SRPK2: variants seen among roughly 807,000 people sequenced by gnomAD.
The protein encoded by SRPK2 is SFRS protein kinase 2.
A neutral mutation model predicts 90.8 loss-of-function variants in SRPK2; 21 were observed. The ratio of observed to expected loss-of-function variants is 0.23; its 90% CI spans 0.16 to 0.33. The LOEUF (loss-of-function observed/expected upper bound fraction) is 0.33, where lower values mean the gene tolerates loss of function less well. Ranked by LOEUF, SRPK2 falls within the 10% of genes least tolerant of loss-of-function variation. The pLI, the probability that SRPK2 is intolerant of heterozygous loss-of-function variation, is 1.00. For synonymous variants in SRPK2, 288 were observed against 311.1 expected (o/e 0.93, Z 0.78); for missense variants, 620 against 869.0 (o/e 0.71, Z 3.60).
intron 3 of SRPK2, among the ~76,000 whole-genome samples, chr7:105,199,663 C>T (rs1208750660): frequency 6.6e-6 from 1 of 152,038 alleles, no homozygotes; most frequent in Non-Finnish European, 1.5e-5. Flanking sequence ...AGAAAGAAAC[C>T]ACAAAGATGG....
intron 2 of SRPK2, among the ~76,000 whole-genome samples, chr7:105,235,218 T>G (rs1432827661): frequency 1.3e-5 from 2 of 152,248 alleles, no homozygotes; most frequent in Non-Finnish European, 1.5e-5. Flanking sequence ...CTTGTAGGAA[T>G]AGAGATAAAA....
At chr7:105,160,424 T>C (rs1393429057) in intron 7 of SRPK2, 83 bp downstream of exon 7, 7 of 744,594 alleles carry the variant, frequency 9.4e-6, no homozygotes, top group African/African-American at 1.7e-5. Flanking sequence ...ATGTAATACA[T>C]ATACATATTT....
rs1790506584 is a variant in SRPK2 at position 105,169,318 on chromosome 7, T to C, written c.230-53A>G. 3 of 1,343,184 alleles carry C rather than the reference T, an allele frequency of 2.2e-6. No individual in the cohort carries two copies. The South Asian group carries it at 3.6e-5, about 16-fold the overall frequency. The allele number at this position is 1,343,184 out of a possible 1,614,324, so 83.2% of individuals were successfully genotyped here. ...ATTCAAAATATTCGAAAAGTAGTAA[T>C]AAACATTTCATCTCTTTTGTCATTC... On this transcript the variant is annotated intron_variant, in intron 3 of 15. Transcript: ENST00000393651.
chr7:105,244,582 T>TA lies in SRPK2; in HGVS notation c.72-40798dup, dbSNP rs779267564. 398 of 621,164 alleles carry TA rather than the reference T, an allele frequency of 6.4e-4. 1 individual carries two copies. The highest frequency in any genetic ancestry group is 1.6e-3 in the South Asian group (94 of 60,094). The allele number at this position is 621,164 out of a possible 1,614,324, so 38.5% of individuals were successfully genotyped here. ...GAACGAGACTCCGTCTCAACAACAA[T>TA]AAAAAAATCCCAGAGTTCCACGCGG... On this transcript the variant is annotated intron_variant, in intron 2 of 15. Coordinates refer to ENST00000393651, the MANE Select transcript of SRPK2 (RefSeq NM_182692.3).
chr7:105,217,944 A>G (rs980319354), intron 2 of SRPK2, among the ~76,000 whole-genome samples: 2 of 152,230 alleles, frequency 1.3e-5, no homozygotes, highest in Non-Finnish European at 2.9e-5. Flanking sequence ...ACATGTGGAA[A>G]GGTATACATG....
At chr7:105,263,223 T>C (rs1644178928) in intron 2 of SRPK2, among the ~76,000 whole-genome samples, 1 of 151,868 alleles carries the variant, frequency 6.6e-6, no homozygotes, top group Admixed American at 6.6e-5. Flanking sequence ...CTCTGGAGGC[T>C]GAGGCAGGAA....
intron 1 of SRPK2, among the ~76,000 whole-genome samples, chr7:105,395,347 T>A (rs537047877): frequency 3.3e-4 from 48 of 145,448 alleles, no homozygotes; most frequent in South Asian, 6.6e-4. Context: ...AAAATAAATT[T>A]AAAAAAAAAA....
chr7:105,348,083 T>G (rs1233036135), intron 2 of SRPK2, among the ~76,000 whole-genome samples: 1 of 143,708 alleles, frequency 7.0e-6, no homozygotes, highest in African/African-American at 2.6e-5. Context: ...TTTTTTTTTT[T>G]TTTTTTTTTT....
intron 2 of SRPK2, among the ~76,000 whole-genome samples, chr7:105,238,722 T>C (rs1800433873): frequency 6.7e-6 from 1 of 149,024 alleles, no homozygotes; most frequent in Admixed American, 6.8e-5. Context: ...TATTTCATTT[T>C]TATTAAAATT....
chr7:105,200,229 G>A (rs899966673), intron 3 of SRPK2, among the ~76,000 whole-genome samples: 1 of 152,244 alleles, frequency 6.6e-6, no homozygotes, highest in Non-Finnish European at 1.5e-5. Flanking sequence ...GAACCCAGGA[G>A]GTGGAGGTTG....
chr7:105,114,936 G>T (rs931599539), downstream of SRPK2, among the ~76,000 whole-genome samples: 1 of 152,184 alleles, frequency 6.6e-6, no homozygotes, highest in South Asian at 2.1e-4. Context: ...TGTCTGAGAA[G>T]AAATGGTTTT....
rs1007760391 is a variant in SRPK2, at chr7:105,169,534, C to A, written c.230-269G>T. Among the ~76,000 whole-genome samples the A allele has an allele frequency of 2.6e-5, 4 of 152,234 alleles. No individual in the cohort carries two copies. The East Asian group carries it at 5.8e-4, about 22-fold the overall frequency. ...TTCAGATCAGGAGTACGAGACCAGCCTGGCCAACATGGTGAAATCCAGTCT... is the reference window on the plus strand; with the variant it reads ...TTCAGATCAGGAGTACGAGACCAGCATGGCCAACATGGTGAAATCCAGTCT... On this transcript the variant is annotated intron_variant, in intron 3 of 15. Coordinates refer to ENST00000393651, the MANE Select transcript of SRPK2 (RefSeq NM_182692.3).
intron 13 of SRPK2, among the ~76,000 whole-genome samples, chr7:105,127,412 G>A (rs944406771): frequency 5.3e-5 from 8 of 152,318 alleles, no homozygotes; most frequent in African/African-American, 1.2e-4. Flanking sequence ...AACAAGGCCC[G>A]TCTGACTCCA....
rs1225015605 is a variant in SRPK2, at chr7:105,168,109, CAA to C, written c.339-16_339-15del. ...AATCTTTTCCCCCTAAAAGAAAAAA[CAA>C]AAAAAGAGTCTATTTATCTATATTA... is the stretch of plus-strand genomic sequence containing the variant. On this transcript the variant is annotated splice_polypyrimidine_tract_variant and intron_variant, in intron 4 of 15. Coordinates refer to ENST00000393651, the MANE Select transcript of SRPK2 (RefSeq NM_182692.3). 2 of 1,582,926 alleles carry C rather than the reference CAA, an allele frequency of 1.3e-6. No homozygotes were observed. The highest frequency in any genetic ancestry group is 2.2e-5 in the East Asian group (1 of 44,498).
chr7:105,247,441 A>G (rs1801816630), intron 2 of SRPK2, among the ~76,000 whole-genome samples: 1 of 152,002 alleles, frequency 6.6e-6, no homozygotes, highest in Admixed American at 6.6e-5. Flanking sequence ...TCCTTTAAGT[A>G]CATCACTGAT....
chr7:105,284,805 T>C (rs1035184049), intron 2 of SRPK2, among the ~76,000 whole-genome samples: 1 of 152,218 alleles, frequency 6.6e-6, no homozygotes, highest in African/African-American at 2.4e-5. Context: ...TGGTGCTTTA[T>C]ACAATATTAT....
At chr7:105,322,122 A>G (rs560162877) in intron 2 of SRPK2, among the ~76,000 whole-genome samples, 32 of 152,334 alleles carry the variant, frequency 2.1e-4, no homozygotes, top group African/African-American at 7.7e-4. Flanking sequence ...ATAAAAAGGA[A>G]TGGAATGTTG....
chr7:105,216,785 A>G (rs1425219893), intron 2 of SRPK2, among the ~76,000 whole-genome samples: 1 of 152,194 alleles, frequency 6.6e-6, no homozygotes, highest in Non-Finnish European at 1.5e-5. Context: ...GTCCAAATGT[A>G]CAGCTTTCTG....
chr7:105,236,006 C>A (rs1166229054), intron 2 of SRPK2, among the ~76,000 whole-genome samples: 1 of 152,146 alleles, frequency 6.6e-6, no homozygotes, highest in Admixed American at 6.5e-5. Flanking sequence ...TGAAATAGGC[C>A]TGAATAAGAT....
Sources: allele counts gnomAD v4.1 joint callset (sites outside exome capture counted in the v4.1 genomes callset), GRCh38; gene constraint gnomAD v4.1.1; transcripts MANE v1.5; gene names NCBI Gene and HGNC (gene_info 2026-07-23, HGNC 2026-07-21).